INPP4B: variants seen among roughly 807,000 people sequenced by gnomAD.
The protein encoded by INPP4B is inositol polyphosphate 4-phosphatase type II.
A neutral mutation model predicts 122.5 loss-of-function variants in INPP4B; 55 were observed. The observed-to-expected ratio is 0.45, with a 90% CI of 0.36 to 0.56. The LOEUF (loss-of-function observed/expected upper bound fraction) is 0.56, where lower values mean the gene tolerates loss of function less well. Ranked by LOEUF, INPP4B falls within the 20% of genes least tolerant of loss-of-function variation. INPP4B has a pLI of 0.00. For synonymous variants in INPP4B, 403 were observed against 388.7 expected (o/e 1.04, Z -0.43); for missense variants, 1,000 against 1,097.7 (o/e 0.91, Z 1.26).
At chr4:142,616,159 C>G (rs374737431) in intron 2 of INPP4B, among the ~76,000 whole-genome samples, 47 of 152,222 alleles carry the variant, frequency 3.1e-4, no homozygotes, top group African/African-American at 1.1e-3. Flanking sequence ...CCAACCCTCA[C>G]CCAATGAAAT....
At chr4:142,488,292 T>A (rs1251470027) in intron 2 of INPP4B, among the ~76,000 whole-genome samples, 1 of 152,074 alleles carries the variant, frequency 6.6e-6, no homozygotes, top group East Asian at 1.9e-4. Flanking sequence ...ATAATTAAAT[T>A]GATTTCCAAT....
At chr4:142,688,584 C>T (rs1175748725) in intron 2 of INPP4B, among the ~76,000 whole-genome samples, 1 of 152,140 alleles carries the variant, frequency 6.6e-6, no homozygotes, top group Non-Finnish European at 1.5e-5. Context: ...TAACTGACTC[C>T]ATCTTGCTTC....
At chr4:142,214,822 G>A (rs1184879144) in intron 12 of INPP4B, among the ~76,000 whole-genome samples, 1 of 152,186 alleles carries the variant, frequency 6.6e-6, no homozygotes, top group Non-Finnish European at 1.5e-5. Flanking sequence ...CAAAGTGCTG[G>A]GATTGCAGGC....
intron 2 of INPP4B, among the ~76,000 whole-genome samples, chr4:142,579,178 G>C (rs1157623126): frequency 1.3e-5 from 2 of 152,174 alleles, no homozygotes; most frequent in East Asian, 3.9e-4. Context: ...GGAAGCAAGT[G>C]TTAAATAGGT....
At chr4:142,541,854 C>T (rs925198759) in intron 2 of INPP4B, among the ~76,000 whole-genome samples, 1 of 152,252 alleles carries the variant, frequency 6.6e-6, no homozygotes, top group South Asian at 2.1e-4. Flanking sequence ...TTCCCCAGTG[C>T]CCAGCTCCTG....
intron 2 of INPP4B, among the ~76,000 whole-genome samples, chr4:142,561,442 G>A (rs563272566): frequency 2.0e-4 from 30 of 151,954 alleles, no homozygotes; most frequent in African/African-American, 3.4e-4. Flanking sequence ...TTTTTGAGAC[G>A]GAGTCTTGCT....
intron 3 of INPP4B, among the ~76,000 whole-genome samples, chr4:142,432,618 T>A (rs1221422433): frequency 6.6e-6 from 1 of 152,160 alleles, no homozygotes; most frequent in Non-Finnish European, 1.5e-5. Context: ...AATTTAGAAG[T>A]CTTTTCTGAT....
intron 9 of INPP4B, among the ~76,000 whole-genome samples, chr4:142,285,257 G>A (rs907722137): frequency 5.3e-5 from 8 of 152,098 alleles, no homozygotes; most frequent in African/African-American, 1.4e-4. Context: ...CTAAGAAAAG[G>A]GCACCCCTGT....
intron 18 of INPP4B, among the ~76,000 whole-genome samples, chr4:142,126,659 G>T (rs1284657680): frequency 6.6e-6 from 1 of 152,008 alleles, no homozygotes; most frequent in Non-Finnish European, 1.5e-5. Context: ...ATTTAATATT[G>T]GACAAACTTA....
intron 2 of INPP4B, among the ~76,000 whole-genome samples, chr4:142,639,595 T>C (rs1749939936): frequency 6.6e-6 from 1 of 152,134 alleles, no homozygotes; most frequent in Admixed American, 6.6e-5. Context: ...GCACTTTTTT[T>C]TTGACAAATA....
At chr4:142,644,575 A>C (rs1751296387) in intron 2 of INPP4B, among the ~76,000 whole-genome samples, 2 of 151,664 alleles carry the variant, frequency 1.3e-5, no homozygotes, top group Admixed American at 6.6e-5. Context: ...TTCCAGGAAA[A>C]ATTTTTATTC....
At chr4:142,736,476 T>C (rs3098931) in intron 1 of INPP4B, among the ~76,000 whole-genome samples, 151,875 of 152,230 alleles carry the variant, frequency 1, 75,760 homozygotes, top group South Asian at 1. Context: ...TATTTTGTTG[T>C]GCAGTGGTTT....
intron 2 of INPP4B, among the ~76,000 whole-genome samples, chr4:142,593,584 A>G (rs1253245305): frequency 6.6e-6 from 1 of 152,132 alleles, no homozygotes; most frequent in East Asian, 1.9e-4. Context: ...GCCACTGCAT[A>G]TGGCTGGCAA....
intron 24 of INPP4B, among the ~76,000 whole-genome samples, chr4:142,084,688 T>C (rs1775868918): frequency 6.6e-6 from 1 of 152,204 alleles, no homozygotes; most frequent in Admixed American, 6.5e-5. Flanking sequence ...TTGGTCAGTA[T>C]ACACATTTCA....
intron 2 of INPP4B, among the ~76,000 whole-genome samples, chr4:142,616,307 C>T (rs1743693837): frequency 6.6e-6 from 1 of 152,136 alleles, no homozygotes; most frequent in African/African-American, 2.4e-5. Context: ...AAACATAACA[C>T]ATTTCTTTTG....
intron 16 of INPP4B, among the ~76,000 whole-genome samples, chr4:142,163,749 C>T (rs1442758721): frequency 6.6e-6 from 1 of 151,688 alleles, no homozygotes; most frequent in Non-Finnish European, 1.5e-5. Flanking sequence ...AACATATCCT[C>T]GTGGATAAGG....
chr4:142,761,814 G>C lies in INPP4B; in HGVS notation c.-253-35913C>G, dbSNP rs1367163496. 2.6e-5 allele frequency among the ~76,000 whole-genome samples: 4 copies of C among 152,120 alleles called. No homozygotes were observed. In the East Asian group the frequency reaches 5.8e-4, roughly 22 times the overall value. On this transcript the variant is annotated intron_variant, in intron 1 of 25. Transcript: ENST00000262992. ...TTTTTATATATTCAAATACAAATCA[G>C]TCACATTCAGACACTTAAGACAAGA...
At chr4:142,200,596 G>C (rs1169827869) in intron 14 of INPP4B, among the ~76,000 whole-genome samples, 1 of 149,900 alleles carries the variant, frequency 6.7e-6, no homozygotes, top group Non-Finnish European at 1.5e-5. Context: ...TAATTTTATT[G>C]ATCACTTATT....
chr4:142,286,003 G>C (rs1470815390), intron 9 of INPP4B, among the ~76,000 whole-genome samples: 1 of 152,222 alleles, frequency 6.6e-6, no homozygotes, highest in Non-Finnish European at 1.5e-5. Flanking sequence ...TTATTTTAGA[G>C]GTCAAAATGG....
Sources: gnomAD v4.1 joint callset for allele counts (sites outside exome capture counted in the v4.1 genomes callset) on GRCh38, gnomAD v4.1.1 for gene constraint, MANE v1.5 for transcripts, NCBI Gene and HGNC (gene_info 2026-07-23, HGNC 2026-07-21) for gene names.